KMT2A: variants seen among roughly 807,000 people sequenced by gnomAD.
KMT2A encodes the protein histone-lysine N-methyltransferase 2A.
In KMT2A, 16 loss-of-function variants were observed where a neutral mutation model predicts 345.3. The observed-to-expected ratio is 0.05, with a 90% CI of 0.03 to 0.07. KMT2A has a LOEUF of 0.07. KMT2A is among the 10% of genes least tolerant of loss of function. The pLI is 1.00. For synonymous variants in KMT2A, 1,599 were observed against 1,778.6 expected (o/e 0.90, Z 2.54); for missense variants, 3,272 against 4,841.6 (o/e 0.68, Z 9.62).
Position 118,496,426 on chromosome 11 carries a change from C to T in KMT2A, c.5664+59C>T. ...ACATACTCCAAAAGAACTGTTTGTC[C>T]TTGTGTCCATACTTGATGACTGGGT... On this transcript the variant is annotated intron_variant, in intron 20 of 35. Transcript: ENST00000534358. This position sits in a 1 kb window ranked among gnomAD's most constrained non-coding sequence, Gnocchi z 4.7. The T allele has an allele frequency of 8.4e-7, 1 of 1,196,564 alleles. No individual in the cohort carries two copies. The highest frequency in any genetic ancestry group is 1.2e-6 in the Non-Finnish European group (1 of 803,108). The allele number at this position is 1,196,564 out of a possible 1,614,324, so 74.1% of individuals were successfully genotyped here. A position where few individuals can be genotyped will look rare whatever the true frequency, so the allele number is the denominator to read the frequency against.
chr11:118,455,714 T>C (rs1315864786), intron 1 of KMT2A, among the ~76,000 whole-genome samples: 1 of 151,856 alleles, frequency 6.6e-6, no homozygotes, highest in African/African-American at 2.4e-5. Flanking sequence ...TTATTTTTTT[T>C]TGAGGCAGGG....
At chr11:118,500,795 A>G (rs554810090) in intron 24 of KMT2A, 192 bp from the exon 25 acceptor site, 95 of 410,298 alleles carry the variant, frequency 2.3e-4, no homozygotes, top group Admixed American at 6.5e-4. Flanking sequence ...CTGAGAGGCT[A>G]AGAAAAACCA....
Position 118,507,560 on chromosome 11 carries a change from A to G in KMT2A, c.10786A>G (p.Thr3596Ala). 6.2e-7 allele frequency: 1 copy of G among 1,614,214 alleles called. No individual in the cohort carries two copies. Among genetic ancestry groups the G allele is most frequent in the Middle Eastern group, 1.6e-4 (1 of 6,062 alleles). Reference protein sequence around the residue: ...TPGAEAEQQDTASVEQSSQKE... With the variant: ...TPGAEAEQQDAASVEQSSQKE... ...AGGAGCAGAGGCTGAGCAGCAGGAT[A>G]CAGCTAGCGTGGAGCAGTCCTCCCA... The change falls in exon 28 of 36, where the codon ACA becomes GCA. Residue 3596 changes from threonine (T) to alanine (A), a missense_variant. By Grantham distance (58) the Thr-to-Ala change is moderately conservative (BLOSUM62 0). Coordinates refer to ENST00000534358, the MANE Select transcript of KMT2A (RefSeq NM_001197104.2).
rs868992988 is a variant in KMT2A, at chr11:118,476,051, A to T, written c.3157-754A>T. ...CTCCCAAGTAGCTGGGATTACGGGC[A>T]TGCACCACCACGCCCAGCTAATTTT... On this transcript the variant is annotated intron_variant, in intron 3 of 35. Coordinates refer to ENST00000534358, the MANE Select transcript of KMT2A (RefSeq NM_001197104.2). This position sits in a 1 kb window ranked among gnomAD's most constrained non-coding sequence, Gnocchi z 4.1. Among the ~76,000 whole-genome samples the T allele has an allele frequency of 7.9e-5, 12 of 152,076 alleles. No homozygotes were observed. The highest frequency in any genetic ancestry group is 2.9e-4 in the African/African-American group (12 of 41,434).
Position 118,498,105 on chromosome 11 carries a change from G to A in KMT2A, c.5802+32G>A, listed in dbSNP as rs2134365168. On this transcript the variant is annotated intron_variant, in intron 21 of 35. Coordinates refer to ENST00000534358, the MANE Select transcript of KMT2A (RefSeq NM_001197104.2). This position sits in a 1 kb window ranked among gnomAD's most constrained non-coding sequence, Gnocchi z 4.4. ...CCTTATGGGTAAATTTTATGAAAGA[G>A]ATTCCCTCTCAGTTTCCAGATATTC... The A allele has an allele frequency of 6.2e-7, 1 of 1,606,638 alleles. No homozygotes were observed. The highest frequency in any genetic ancestry group is 8.5e-7 in the Non-Finnish European group (1 of 1,175,446).
intron 3 of KMT2A, among the ~76,000 whole-genome samples, chr11:118,475,515 A>G (rs1183588645): frequency 6.6e-6 from 1 of 152,146 alleles, no homozygotes; most frequent in Non-Finnish European, 1.5e-5. Flanking sequence ...CGAGGTCAGG[A>G]GATCGAGACC....
Position 118,503,370 on chromosome 11 carries a change from A to G in KMT2A, c.7478A>G (p.Lys2493Arg). The G allele has an allele frequency of 6.2e-7, 1 of 1,614,172 alleles. No homozygotes were observed. The highest frequency in any genetic ancestry group is 8.5e-7 in the Non-Finnish European group (1 of 1,180,036). Residue 2493 changes from lysine to arginine, a missense_variant, in exon 27 of 36, where the codon AAA becomes AGA. This residue lies in a region of KMT2A where 445 missense variants were observed against 500.9 expected (regional missense o/e 0.89). Transcript: ENST00000534358. This position sits in a 1 kb window ranked among gnomAD's most constrained non-coding sequence, Gnocchi z 5.3. ...NNVSSDKIGDKGLSMPGVPKA... is the reference protein window; with the variant it reads ...NNVSSDKIGDRGLSMPGVPKA... ...GTTTCTTCTGATAAGATTGGTGATAAAGGCCTTTCTATGCCAGGAGTCCCC... is the reference window on the plus strand; with the variant it reads ...GTTTCTTCTGATAAGATTGGTGATAGAGGCCTTTCTATGCCAGGAGTCCCC...
At chr11:118,443,396 G>A (rs781892517) in intron 1 of KMT2A, among the ~76,000 whole-genome samples, 1 of 152,158 alleles carries the variant, frequency 6.6e-6, no homozygotes, top group Non-Finnish European at 1.5e-5. Context: ...ATATTTCAAT[G>A]AGTTTTTTAC....
chr11:118,454,663 C>A (rs782039939), intron 1 of KMT2A, among the ~76,000 whole-genome samples: 1 of 152,180 alleles, frequency 6.6e-6, no homozygotes, highest in Non-Finnish European at 1.5e-5. Context: ...AATACACTTA[C>A]AAGCTCGTCG....
At position 118,473,947 on chromosome 11, in the gene KMT2A, G is replaced by A. The variant is rs2134271676; in HGVS notation, c.2788G>A (p.Ala930Thr). 1 of 1,614,084 alleles carries A rather than the reference G, an allele frequency of 6.2e-7. No homozygotes were observed. The highest frequency in any genetic ancestry group is 8.5e-7 in the Non-Finnish European group (1 of 1,179,970). ...TGCCACTTCATCTTCTGCCAAAAAAGCAACAGGGCGGAAGAAGTCTTCATC... is the reference window on the plus strand; with the variant it reads ...TGCCACTTCATCTTCTGCCAAAAAAACAACAGGGCGGAAGAAGTCTTCATC... ...DVATSSSAKKATGRKKSSSHD... is the reference protein window; with the variant it reads ...DVATSSSAKKTTGRKKSSSHD... Residue 930 changes from alanine to threonine, a missense_variant, in exon 3 of 36, where the codon GCA (alanine) becomes ACA (threonine). Physicochemically the swap from Ala to Thr is moderately conservative, Grantham distance 58 (BLOSUM62 0). This residue lies in a region of KMT2A where 209 missense variants were observed against 237.4 expected (regional missense o/e 0.88). Coordinates refer to ENST00000534358, the MANE Select transcript of KMT2A (RefSeq NM_001197104.2). This position sits in a 1 kb window ranked among gnomAD's most constrained non-coding sequence, Gnocchi z 5.2.
rs968925297 is a variant in KMT2A at position 118,493,618 on chromosome 11, A to T, written c.5178+388A>T. Among the ~76,000 whole-genome samples, 6 of 152,196 alleles carry T rather than the reference A, an allele frequency of 3.9e-5. No homozygotes were observed. Among genetic ancestry groups the T allele is most frequent in the African/African-American group, 1.4e-4 (6 of 41,440 alleles). On this transcript the variant is annotated intron_variant, in intron 16 of 35. Transcript: ENST00000534358. The surrounding 1 kb of genome is among the most constrained non-coding windows in gnomAD (Gnocchi z 5.8). ...TTATAAGGTCTTCATTTGTAGATAGATGCCTGTTAATTTTATGATTTTAAG... is the reference window on the plus strand; with the variant it reads ...TTATAAGGTCTTCATTTGTAGATAGTTGCCTGTTAATTTTATGATTTTAAG...
chr11:118,477,472 G>A (rs890240835), intron 4 of KMT2A, among the ~76,000 whole-genome samples: 1 of 114,926 alleles, frequency 8.7e-6, no homozygotes, highest in African/African-American at 3.3e-5. Flanking sequence ...TTGGAATTTT[G>A]CTTTCATCAA....
Position 118,458,528 on chromosome 11 carries a change from A to G in KMT2A, c.433-10247A>G, listed in dbSNP as rs9332757. On this transcript the variant is annotated intron_variant, in intron 1 of 35. Coordinates refer to ENST00000534358, the MANE Select transcript of KMT2A (RefSeq NM_001197104.2). ...GCATTTCTTTTATTTTCATTTTACA[A>G]ACATTTATTGGGTGCCAAATTTGTG... 5.2e-3 allele frequency among the ~76,000 whole-genome samples: 796 copies of G among 152,342 alleles called. 3 individuals carry two copies. Among genetic ancestry groups the G allele is most frequent in the Non-Finnish European group, 9.6e-3 (656 of 68,034 alleles).
chr11:118,492,938 T>C, intron 15 of KMT2A, 119 bp from the exon 16 acceptor site: 1 of 770,252 alleles, frequency 1.3e-6, no homozygotes, highest in Non-Finnish European at 2.1e-6. Flanking sequence ...ATTATTTTCA[T>C]GTTCCTTGGG....
In KMT2A at chr11:118,522,303, C is replaced by T; in HGVS notation, c.*131C>T. 1.2e-6 allele frequency: 1 copy of T among 806,812 alleles called. No individual in the cohort carries two copies. The highest frequency in any genetic ancestry group is 2.0e-6 in the Non-Finnish European group (1 of 503,092). 50.0% of individuals were successfully genotyped at this position (806,812 alleles called of 1,614,324 possible). On this transcript the variant is annotated 3_prime_UTR_variant, in exon 36 of 36. Transcript: ENST00000534358. This position sits in a 1 kb window ranked among gnomAD's most constrained non-coding sequence, Gnocchi z 5.4. ...CTGAGGGGCCTCTGTGATGGCTGAG[C>T]TCTCTTATGTCCTATACTCACATCA...
rs781990501 is a variant in KMT2A, at chr11:118,520,842, C to T, written c.11470C>T (p.Arg3824Trp). 9 of 1,613,892 alleles carry T rather than the reference C, an allele frequency of 5.6e-6. No homozygotes were observed. The highest frequency in any genetic ancestry group is 1.3e-5 in the African/African-American group (1 of 74,896). Reference protein sequence around the residue: ...SMDLPMPMRFRHLKKTSKEAV... With the variant: ...SMDLPMPMRFWHLKKTSKEAV... Reference sequence around the variant, plus strand: ...GGATCTGCCAATGCCCATGCGCTTCCGGCACTTAAAAAAGACTTCTAAGGA... The same window carrying T: ...GGATCTGCCAATGCCCATGCGCTTCTGGCACTTAAAAAAGACTTCTAAGGA... The change falls in exon 34 of 36, where the codon CGG (arginine) becomes TGG (tryptophan). Residue 3824 changes from arginine (R) to tryptophan (W), a missense_variant. By Grantham distance (101) the Arg-to-Trp change is moderately radical. This residue lies in a region of KMT2A where 78 missense variants were observed against 254.5 expected (regional missense o/e 0.31). Transcript: ENST00000534358. The surrounding 1 kb of genome is among the most constrained non-coding windows in gnomAD (Gnocchi z 4.3).
chr11:118,474,660 T>C (rs910013012), intron 3 of KMT2A, among the ~76,000 whole-genome samples: 1 of 152,226 alleles, frequency 6.6e-6, no homozygotes, highest in Non-Finnish European at 1.5e-5. Context: ...CTGAGTTGTT[T>C]GTACCTTATA....
At chr11:118,478,246 A>G in intron 5 of KMT2A, 45 bp downstream of exon 5, 1 of 1,465,338 alleles carries the variant, frequency 6.8e-7, no homozygotes, top group Non-Finnish European at 9.4e-7. Context: ...TCAACCATAA[A>G]GGTTGCTTAT....
intron 1 of KMT2A, among the ~76,000 whole-genome samples, chr11:118,444,614 T>C (rs2134178575): frequency 6.6e-6 from 1 of 152,332 alleles, no homozygotes; most frequent in South Asian, 2.1e-4. Context: ...CTTGCTTTGT[T>C]GCCTAGGCTA....
Sources: gnomAD v4.1 joint callset for allele counts (sites outside exome capture counted in the v4.1 genomes callset) on GRCh38, gnomAD v4.1.1 for gene constraint, gnomAD v4.1.1 regional missense constraint, Gnocchi (gnomAD v3.1) non-coding constraint, MANE v1.5 for transcripts, NCBI Gene and HGNC (gene_info 2026-07-23, HGNC 2026-07-21) for gene names.